ECI2: variants seen among roughly 807,000 people sequenced by gnomAD.
The protein encoded by ECI2 is D3,D2-enoyl-CoA isomerase.
ECI2 carries 27 observed loss-of-function variants against 38.4 expected under a neutral mutation model. The ratio of observed to expected loss-of-function variants is 0.70; its 90% CI spans 0.52 to 0.97. ECI2 has a LOEUF of 0.97. Among genes scored for constraint, ECI2 ranks in the 50% least tolerant of loss-of-function variants. ECI2 has a pLI of 0.00. For missense variants in ECI2, 470 were observed against 474.4 expected, an observed-to-expected ratio of 0.99 and a Z score of 0.09; for synonymous variants, 168 against 172.0, an observed-to-expected ratio of 0.98 and a Z score of 0.18.
intron 8 of ECI2, chr6:4,118,946 C>G (rs1257413201): frequency 2.7e-6 from 1 of 367,592 alleles, no homozygotes; most frequent in African/African-American, 2.1e-5. Context: ...AAGCAGCCAG[C>G]TGAAGAGGAG....
At chr6:4,130,734 A>G (rs771209268) in intron 3 of ECI2, 33 bp downstream of exon 3, 260 of 1,611,498 alleles carry the variant, frequency 1.6e-4, no homozygotes, top group Non-Finnish European at 2.2e-4. Flanking sequence ...TTAGAAGTAC[A>G]GCAAATAAAA....
Position 4,126,119 on chromosome 6 carries a change from G to A in ECI2, c.674+16C>T. On this transcript the variant is annotated intron_variant, in intron 6 of 9. Transcript: ENST00000380118. ...AACGGGCCCTCTGGGATCAGACAAA[G>A]GTCAGTAACTCTTACCTCAGTAAAA... The A allele has an allele frequency of 6.2e-7, 1 of 1,604,524 alleles. No homozygotes were observed. The highest frequency in any genetic ancestry group is 8.5e-7 in the Non-Finnish European group (1 of 1,172,664).
At chr6:4,128,841 G>A (rs991933360) in intron 4 of ECI2, among the ~76,000 whole-genome samples, 11 of 152,142 alleles carry the variant, frequency 7.2e-5, no homozygotes, top group African/African-American at 1.9e-4. Context: ...TTCAGGTTCC[G>A]CGGATTTTGT....
intron 7 of ECI2, 94 bp downstream of exon 7, chr6:4,125,156 T>G (rs765108169): frequency 9.4e-5 from 145 of 1,550,214 alleles, no homozygotes; most frequent in Non-Finnish European, 1.2e-4. Flanking sequence ...AAACAACATG[T>G]AACCTGCTTA....
intron 7 of ECI2, chr6:4,122,108 G>A: frequency 9.3e-7 from 1 of 1,074,014 alleles, no homozygotes; most frequent in Middle Eastern, 2.0e-4. Context: ...GAGAGCAGCA[G>A]GTGGAGTTAA....
intron 7 of ECI2, among the ~76,000 whole-genome samples, chr6:4,124,252 G>A (rs1288627045): frequency 6.6e-6 from 1 of 152,168 alleles, no homozygotes; most frequent in Non-Finnish European, 1.5e-5. Flanking sequence ...TAATTTTGTG[G>A]GAAAATTATT....
At chr6:4,119,314 G>T (rs1367631732) in intron 7 of ECI2, 39 bp from the exon 8 acceptor site, 13 of 1,435,624 alleles carry the variant, frequency 9.1e-6, no homozygotes, top group South Asian at 4.9e-5. Flanking sequence ...ATCTTTTCAT[G>T]TGTGATTTTT....
At chr6:4,130,208 G>A (rs1249589657) in intron 4 of ECI2, 164 bp downstream of exon 4, 1 of 1,613,704 alleles carries the variant, frequency 6.2e-7, no homozygotes, top group Non-Finnish European at 8.5e-7. Context: ...AACAATGAAT[G>A]CTCAACTCTG....
chr6:4,135,497 G>A lies in ECI2; in HGVS notation c.50+14C>T, dbSNP rs772390948. On this transcript the variant is annotated intron_variant, in intron 1 of 9. Transcript: ENST00000380118. The stretch of plus-strand genomic sequence containing the variant: ...GGGCGACCATGGGCCGAACGGCCGG[G>A]ACTCCAAGCTTACCTCGGACACGAA... The A allele has an allele frequency of 1.2e-6, 2 of 1,609,444 alleles. No homozygotes were observed. The highest frequency in any genetic ancestry group is 3.3e-5 in the Admixed American group (2 of 59,856).
intron 7 of ECI2, among the ~76,000 whole-genome samples, chr6:4,124,631 T>C (rs1400815336): frequency 6.6e-6 from 1 of 152,150 alleles, no homozygotes; most frequent in African/African-American, 2.4e-5. Context: ...AGATAAGGAG[T>C]GATTTTTACC....
At position 4,126,240 on chromosome 6, in the gene ECI2, A is replaced by C; in HGVS notation, c.572-3T>G. On this transcript the variant is annotated splice_region_variant and splice_polypyrimidine_tract_variant and intron_variant, in intron 5 of 9. Coordinates refer to ENST00000380118, the MANE Select transcript of ECI2 (RefSeq NM_206836.3). ...ACTACTGTAATAGTCACCATTTCCT[A>C]TAAGTAAGAAAATCAACAGATCCCT... is the stretch of plus-strand genomic sequence containing the variant. The C allele has an allele frequency of 6.2e-7, 1 of 1,607,648 alleles. No homozygotes were observed. Among genetic ancestry groups the C allele is most frequent in the Non-Finnish European group, 8.5e-7 (1 of 1,176,952 alleles).
intron 3 of ECI2, 44 bp downstream of exon 3, chr6:4,130,723 T>TAA: frequency 6.2e-7 from 1 of 1,610,812 alleles, no homozygotes; most frequent in Non-Finnish European, 8.5e-7. Flanking sequence ...CACAAACTTC[T>TAA]TTAGAAGTAC....
intron 2 of ECI2, among the ~76,000 whole-genome samples, chr6:4,131,979 G>T (rs1274977832): frequency 6.6e-6 from 1 of 152,044 alleles, no homozygotes; most frequent in Non-Finnish European, 1.5e-5. Context: ...AAGTTAGAGG[G>T]AACACAGTCC....
intron 7 of ECI2, among the ~76,000 whole-genome samples, chr6:4,120,604 G>C (rs1772664923): frequency 6.6e-6 from 1 of 151,986 alleles, no homozygotes; most frequent in South Asian, 2.1e-4. Flanking sequence ...GTGTGCACCT[G>C]GAGTCCCAGC....
intron 7 of ECI2, 105 bp downstream of exon 7, chr6:4,125,145 C>T (rs1773057959): frequency 1.3e-6 from 2 of 1,523,494 alleles, no homozygotes; most frequent in East Asian, 2.3e-5. Context: ...AATTCTACCA[C>T]AAACAACATG....
Position 4,135,516 on chromosome 6 carries a change from A to C in ECI2, c.45T>G (p.Cys15Trp), listed in dbSNP as rs1264805207. The C allele has an allele frequency of 3.1e-6, 5 of 1,606,912 alleles. No individual in the cohort carries two copies. In the African/African-American group the frequency reaches 5.4e-5, roughly 17 times the overall value. The change falls in exon 1 of 10, where the codon TGT becomes TGG. Residue 15 changes from cysteine (C) to tryptophan (W), a missense_variant. Transcript: ENST00000380118. Reference sequence around the variant, plus strand: ...GGCCGGGACTCCAAGCTTACCTCGGACACGAACGCCGCGCCAGTCTCCAAG... The same window carrying C: ...GGCCGGGACTCCAAGCTTACCTCGGCCACGAACGCCGCGCCAGTCTCCAAG... ...YLAWRLARRS[C>W]PSSLQVTSFP... is the part of the protein sequence containing the mutation.
In ECI2 at chr6:4,130,562, T is replaced by C; in HGVS notation, c.313-2A>G. On this transcript the variant is annotated splice_acceptor_variant, in intron 3 of 9. Transcript: ENST00000380118. LOFTEE classifies it high-confidence loss of function. ...CACATAGTTCTGCCTGGCAGCTTCC[T>C]GAACGGACGATGACAAACAACCTCA... 1 of 1,614,264 alleles carries C rather than the reference T, an allele frequency of 6.2e-7. No homozygotes were observed. Among genetic ancestry groups the C allele is most frequent in the South Asian group, 1.1e-5 (1 of 91,088 alleles).
intron 5 of ECI2, among the ~76,000 whole-genome samples, 175 bp from the exon 6 acceptor site, chr6:4,126,412 C>G (rs543038453): frequency 6.6e-6 from 1 of 152,120 alleles, no homozygotes; most frequent in Non-Finnish European, 1.5e-5. Context: ...AAAAACACAC[C>G]GATAAATGTA....
At chr6:4,119,669 TTAA>T (rs1287038636) in intron 7 of ECI2, among the ~76,000 whole-genome samples, 1 of 152,212 alleles carries the variant, frequency 6.6e-6, no homozygotes, top group Admixed American at 6.5e-5. Context: ...TTCACAATAC[TTAA>T]TAATATTTAT....
Sources: allele counts gnomAD v4.1 joint callset (sites outside exome capture counted in the v4.1 genomes callset), GRCh38; gene constraint gnomAD v4.1.1; transcripts MANE v1.5; gene names NCBI Gene and HGNC (gene_info 2026-07-23, HGNC 2026-07-21).